Variants in EPHA5 observed in about 807,000 individuals in gnomAD.
EPHA5 encodes EPH receptor A5, also known as ephrin type-A receptor 5.
EPHA5 carries 60 observed loss-of-function variants against 105.0 expected under a neutral mutation model. The observed-to-expected ratio is 0.57, with a 90% CI of 0.46 to 0.71. The LOEUF (loss-of-function observed/expected upper bound fraction) is 0.71, where lower values mean the gene tolerates loss of function less well. EPHA5 is among the 30% of genes least tolerant of loss of function. The probability of loss-of-function intolerance (pLI) is 0.00; values close to 1 mark genes in which losing one functional copy is unlikely to be tolerated. For synonymous variants in EPHA5, 513 were observed against 449.1 expected (o/e 1.14, Z -1.80); for missense variants, 1,218 against 1,274.7 (o/e 0.96, Z 0.68).
intron 8 of EPHA5, among the ~76,000 whole-genome samples, chr4:65,369,948 C>T (rs184979096): frequency 6.6e-6 from 1 of 152,122 alleles, no homozygotes; most frequent in South Asian, 2.1e-4. Context: ...GCCTCGGCCA[C>T]AGAGCTAGAC....
chr4:65,401,567 C>T (rs1176366407), intron 8 of EPHA5, among the ~76,000 whole-genome samples: 1 of 152,056 alleles, frequency 6.6e-6, no homozygotes, highest in Non-Finnish European at 1.5e-5. Context: ...CTATAAGCCT[C>T]AGATTCGTTT....
At position 65,669,685 on chromosome 4, in the gene EPHA5, C is replaced by A; in HGVS notation, c.58G>T (p.Asp20Tyr). 1.5e-6 allele frequency: 2 copies of A among 1,315,576 alleles called. No individual in the cohort carries two copies. The highest frequency in any genetic ancestry group is 2.4e-5 in the South Asian group (1 of 42,104). 81.5% of individuals were successfully genotyped at this position (1,315,576 alleles called of 1,614,324 possible). The change falls in exon 1 of 17, where the codon GAC becomes TAC. Residue 20 changes from aspartate to tyrosine, a missense_variant. By Grantham distance (160) the Asp-to-Tyr change is radical. Around this residue, in one of 3 missense-constraint regions of EPHA5, gnomAD observed 233 missense variants for 227.5 expected, o/e 1.02. Transcript: ENST00000613740. Reference sequence around the variant, plus strand: ...AGGGACGCTGGGGTGATGGGGGTGTCGCCGCCGCCGCTTGGGGGCCGCCGG... The same window carrying A: ...AGGGACGCTGGGGTGATGGGGGTGTAGCCGCCGCCGCTTGGGGGCCGCCGG... The part of the protein sequence containing the change: ...GRRRPPSGGG[D>Y]TPITPASLAG...
chr4:65,595,233 A>G (rs1167023954), intron 3 of EPHA5, among the ~76,000 whole-genome samples: 1 of 151,944 alleles, frequency 6.6e-6, no homozygotes, highest in East Asian at 1.9e-4. Context: ...CATAACTTTT[A>G]ACTGTAGATG....
chr4:65,512,033 G>A (rs1159642989), intron 3 of EPHA5, among the ~76,000 whole-genome samples: 1 of 152,128 alleles, frequency 6.6e-6, no homozygotes, highest in African/African-American at 2.4e-5. Context: ...ATGTGTAAAA[G>A]TAAAAAAGAC....
intron 5 of EPHA5, among the ~76,000 whole-genome samples, chr4:65,465,390 C>T (rs58848338): frequency 0.17 from 25,571 of 148,700 alleles, 2,635 homozygotes; most frequent in African/African-American, 0.24. Context: ...CGTGCCATTG[C>T]ACTCCAGCCT....
At chr4:65,592,951 C>T (rs1226496623) in intron 3 of EPHA5, among the ~76,000 whole-genome samples, 3 of 152,118 alleles carry the variant, frequency 2.0e-5, no homozygotes, top group Non-Finnish European at 4.4e-5. Flanking sequence ...ATGTGAGAAA[C>T]TCCTCTAGGT....
Position 65,498,788 on chromosome 4 carries a change from G to A in EPHA5, c.911-3245C>T, listed in dbSNP as rs578139413. ...GTAAGGCATTATTTAATTTGAGGTG[G>A]TTGAAGTAATGCAAATAGATGTTTA... On this transcript the variant is annotated intron_variant, in intron 3 of 16. Transcript: ENST00000613740. Among the ~76,000 whole-genome samples, 145 of 151,736 alleles carry A rather than the reference G, an allele frequency of 9.6e-4. 1 individual carries two copies. Among genetic ancestry groups the A allele is most frequent in the Middle Eastern group, 3.4e-3 (1 of 294 alleles).
At chr4:65,590,687 T>G (rs1232357431) in intron 3 of EPHA5, among the ~76,000 whole-genome samples, 3 of 152,154 alleles carry the variant, frequency 2.0e-5, no homozygotes, top group East Asian at 3.8e-4. Context: ...CACTTGCTAT[T>G]AGTCAGATAG....
At chr4:65,459,632 A>G (rs1355545529) in intron 5 of EPHA5, among the ~76,000 whole-genome samples, 1 of 151,914 alleles carries the variant, frequency 6.6e-6, no homozygotes, top group East Asian at 1.9e-4. Flanking sequence ...AACTCATACC[A>G]AGAACATATA....
At position 65,643,437 on chromosome 4, in the gene EPHA5, A is replaced by G. The variant is rs1466835542; in HGVS notation, c.182-10T>C. 6.2e-7 allele frequency: 1 copy of G among 1,610,110 alleles called. No individual in the cohort carries two copies. The highest frequency in any genetic ancestry group is 1.7e-5 in the Admixed American group (1 of 59,898). ...GAATCCAATAAATTCACTGAAAAGA[A>G]AAGAACAAAAAACTCAGTGAAATGT... On this transcript the variant is annotated splice_polypyrimidine_tract_variant and intron_variant, in intron 1 of 16. Coordinates refer to ENST00000613740, the MANE Select transcript of EPHA5 (RefSeq NM_001281766.3).
At chr4:65,401,475 C>T (rs769105994) in intron 8 of EPHA5, among the ~76,000 whole-genome samples, 1 of 151,986 alleles carries the variant, frequency 6.6e-6, no homozygotes. Context: ...TATCACATGA[C>T]AAATGTCCCC....
At chr4:65,441,644 A>G (rs1016102796) in intron 5 of EPHA5, among the ~76,000 whole-genome samples, 28 of 152,260 alleles carry the variant, frequency 1.8e-4, no homozygotes, top group African/African-American at 6.7e-4. Flanking sequence ...ATTCTATGGA[A>G]TGCACTACAA....
At chr4:65,419,213 T>G (rs1178598237) in intron 6 of EPHA5, among the ~76,000 whole-genome samples, 1 of 152,020 alleles carries the variant, frequency 6.6e-6, no homozygotes, top group Non-Finnish European at 1.5e-5. Context: ...CATGTATATA[T>G]GTATATATAT....
At chr4:65,425,111 G>A (rs1253524760) in intron 5 of EPHA5, among the ~76,000 whole-genome samples, 1 of 152,004 alleles carries the variant, frequency 6.6e-6, no homozygotes, top group Non-Finnish European at 1.5e-5. Flanking sequence ...AAAGACTAGA[G>A]AGAGGTAAAT....
chr4:65,459,709 C>G (rs547437170), intron 5 of EPHA5, among the ~76,000 whole-genome samples: 1 of 151,718 alleles, frequency 6.6e-6, no homozygotes, highest in South Asian at 2.1e-4. Flanking sequence ...AACATGGAAA[C>G]AATAAAATGA....
intron 13 of EPHA5, 112 bp downstream of exon 13, chr4:65,351,277 C>T (rs1299650295): frequency 1.0e-6 from 1 of 989,962 alleles, no homozygotes; most frequent in East Asian, 2.5e-5. Context: ...CTCATTCTCT[C>T]TCTTTCTTTT....
At chr4:65,343,271 T>C (rs1186296854) in intron 14 of EPHA5, among the ~76,000 whole-genome samples, 1 of 152,180 alleles carries the variant, frequency 6.6e-6, no homozygotes, top group Non-Finnish European at 1.5e-5. Flanking sequence ...TGAATCAGAG[T>C]TCATGGTCTG....
At chr4:65,591,571 C>T (rs1190798474) in intron 3 of EPHA5, among the ~76,000 whole-genome samples, 4 of 151,618 alleles carry the variant, frequency 2.6e-5, no homozygotes, top group African/African-American at 4.8e-5. Flanking sequence ...TTCTCAAAGC[C>T]GAGATGACTT....
chr4:65,586,196 T>TCAAA (rs1382934805), intron 3 of EPHA5, among the ~76,000 whole-genome samples: 13 of 151,828 alleles, frequency 8.6e-5, no homozygotes, highest in African/African-American at 2.6e-4. Flanking sequence ...TTTGATTGCA[T>TCAAA]ATATGTTATT....
Sources: gnomAD v4.1 joint callset for allele counts (sites outside exome capture counted in the v4.1 genomes callset) on GRCh38, gnomAD v4.1.1 for gene constraint, gnomAD v4.1.1 regional missense constraint, MANE v1.5 for transcripts, NCBI Gene and HGNC (gene_info 2026-07-23, HGNC 2026-07-21) for gene names.